Variants in CTTNBP2NL observed in about 807,000 individuals in gnomAD.
The protein encoded by CTTNBP2NL is CTTNBP2 N-terminal like.
CTTNBP2NL carries 16 observed loss-of-function variants against 32.5 expected under a neutral mutation model. The observed-to-expected ratio is 0.49, with a 90% CI of 0.33 to 0.75. CTTNBP2NL has a LOEUF of 0.75. CTTNBP2NL is among the 30% of genes least tolerant of loss of function. The pLI, the probability that CTTNBP2NL is intolerant of heterozygous loss-of-function variation, is 0.02. For synonymous variants in CTTNBP2NL, 298 were observed against 289.4 expected (o/e 1.03, Z -0.30); for missense variants, 645 against 756.0 (o/e 0.85, Z 1.72).
rs1217243380 is a variant in CTTNBP2NL at position 112,460,447 on chromosome 1, C to T, written c.*3035C>T. ...GCTGGAAAAAGCCTTTACAATAATC[C>T]AGTCTGTGATTTTTTAAACCTTTTG... On this transcript the variant is annotated 3_prime_UTR_variant, in exon 6 of 6. Coordinates refer to ENST00000271277, the MANE Select transcript of CTTNBP2NL (RefSeq NM_018704.3). 6.6e-6 allele frequency: 1 copy of T among 151,790 alleles called. No individual in the cohort carries two copies. Among genetic ancestry groups the T allele is most frequent in the African/African-American group, 2.4e-5 (1 of 41,126 alleles). 9.4% of individuals were successfully genotyped at this position (151,790 alleles called of 1,614,324 possible).
chr1:112,420,307 G>A (rs1291027519), intron 3 of CTTNBP2NL, among the ~76,000 whole-genome samples: 2 of 151,898 alleles, frequency 1.3e-5, no homozygotes, highest in African/African-American at 4.8e-5. Context: ...ACCACACCCA[G>A]CTAATTTTTT....
At chr1:112,445,899 A>G (rs971972053) in intron 3 of CTTNBP2NL, among the ~76,000 whole-genome samples, 2 of 152,186 alleles carry the variant, frequency 1.3e-5, no homozygotes, top group Non-Finnish European at 2.9e-5. Context: ...TCTGATGTCA[A>G]GGTCATGAAT....
intron 1 of CTTNBP2NL, among the ~76,000 whole-genome samples, chr1:112,407,285 G>A (rs1648695969): frequency 1.3e-5 from 2 of 152,194 alleles, no homozygotes; most frequent in African/African-American, 4.8e-5. Flanking sequence ...TGTTGTGTGA[G>A]TTTGCTAGGG....
At chr1:112,435,142 C>CAAAAAA (rs5777114) in intron 3 of CTTNBP2NL, among the ~76,000 whole-genome samples, 12 of 85,904 alleles carry the variant, frequency 1.4e-4, no homozygotes, top group East Asian at 3.8e-4. Context: ...GACTCTGTCT[C>CAAAAAA]AAAAAAAAAA....
intron 3 of CTTNBP2NL, among the ~76,000 whole-genome samples, chr1:112,428,398 G>A (rs1649465530): frequency 6.6e-6 from 1 of 152,018 alleles, no homozygotes; most frequent in African/African-American, 2.4e-5. Flanking sequence ...GAGCTAATCA[G>A]ACCTACAGTT....
At chr1:112,423,686 A>C (rs2101008754) in intron 3 of CTTNBP2NL, among the ~76,000 whole-genome samples, 1 of 152,306 alleles carries the variant, frequency 6.6e-6, no homozygotes, top group Non-Finnish European at 1.5e-5. Flanking sequence ...TTTGAAGAGC[A>C]AAAGTTTTTC....
chr1:112,454,442 T>C lies in CTTNBP2NL; in HGVS notation c.331-7T>C. ...TTTGAAAATGAAATTTAAAAAATTC[T>C]TTAAAGGTGATCCTAGACCTTGAGG... is the stretch of plus-strand genomic sequence containing the variant. On this transcript the variant is annotated splice_region_variant and splice_polypyrimidine_tract_variant and intron_variant, in intron 4 of 5. Transcript: ENST00000271277. The C allele has an allele frequency of 6.2e-7, 1 of 1,607,994 alleles. No individual in the cohort carries two copies. Among genetic ancestry groups the C allele is most frequent in the Non-Finnish European group, 8.5e-7 (1 of 1,175,898 alleles).
intron 3 of CTTNBP2NL, among the ~76,000 whole-genome samples, chr1:112,438,749 A>T (rs1473861493): frequency 6.6e-6 from 1 of 152,146 alleles, no homozygotes; most frequent in Non-Finnish European, 1.5e-5. Flanking sequence ...GGTTGGGATT[A>T]CTTGGACCTA....
intron 3 of CTTNBP2NL, among the ~76,000 whole-genome samples, chr1:112,430,578 A>G (rs1269954102): frequency 5.9e-5 from 4 of 67,416 alleles, no homozygotes; most frequent in South Asian, 7.8e-4. Flanking sequence ...TTTGAGACAG[A>G]GTCTGACTCT....
At chr1:112,414,660 A>G (rs906336009) in intron 2 of CTTNBP2NL, 1 of 152,216 alleles carries the variant, frequency 6.6e-6, no homozygotes, top group African/African-American at 2.4e-5. Flanking sequence ...TATTTGTTCT[A>G]CTTTGGAAAT....
intron 4 of CTTNBP2NL, 68 bp downstream of exon 4, chr1:112,449,240 G>T (rs3818729): frequency 0.23 from 208,917 of 891,622 alleles, 27,388 homozygotes; most frequent in East Asian, 0.52. Flanking sequence ...ATACTTTCTT[G>T]TCAGCTGCCA....
intron 1 of CTTNBP2NL, among the ~76,000 whole-genome samples, chr1:112,401,212 A>T (rs981514100): frequency 6.6e-6 from 1 of 152,202 alleles, no homozygotes; most frequent in African/African-American, 2.4e-5. Flanking sequence ...ATTTTTCAAC[A>T]TATGACTAAG....
In CTTNBP2NL at chr1:112,424,325, G is replaced by A. The variant is rs899962277; in HGVS notation, c.99+8061G>A. Among the ~76,000 whole-genome samples, 13 of 151,990 alleles carry A rather than the reference G, an allele frequency of 8.6e-5. No homozygotes were observed. The East Asian group carries it at 1.2e-3, about 14-fold the overall frequency. On this transcript the variant is annotated intron_variant, in intron 3 of 5. Coordinates refer to ENST00000271277, the MANE Select transcript of CTTNBP2NL (RefSeq NM_018704.3). ...AATGGTCTTTGCACCTTTGTCAGTC[G>A]GTTATTCATATATTCATGTGTTTAT... is the stretch of plus-strand genomic sequence containing the variant.
chr1:112,432,905 C>T (rs754161889), intron 3 of CTTNBP2NL, among the ~76,000 whole-genome samples: 11 of 151,968 alleles, frequency 7.2e-5, no homozygotes, highest in Non-Finnish European at 1.3e-4. Flanking sequence ...TGAAATTTTA[C>T]GTTTTGAAGT....
At chr1:112,454,660 T>C in intron 5 of CTTNBP2NL, 104 bp downstream of exon 5, 1 of 855,662 alleles carries the variant, frequency 1.2e-6, no homozygotes, top group East Asian at 2.4e-5. Flanking sequence ...AGGGGCTTTG[T>C]GGTCAAATAA....
At chr1:112,409,028 T>G (rs1648773518) in intron 1 of CTTNBP2NL, among the ~76,000 whole-genome samples, 1 of 149,866 alleles carries the variant, frequency 6.7e-6, no homozygotes, top group Non-Finnish European at 1.5e-5. Flanking sequence ...CTTAGGAGGC[T>G]GAGGCAGGAG....
At position 112,445,458 on chromosome 1, in the gene CTTNBP2NL, G is replaced by GA. The variant is rs565224933; in HGVS notation, c.100-3479dup. On this transcript the variant is annotated intron_variant, in intron 3 of 5. Transcript: ENST00000271277. Reference sequence around the variant, plus strand: ...ACCTGACTGAATCATTAAGTTGATTGAAAAATACCATGTTCTGTCTCCCAT... The same window carrying GA: ...ACCTGACTGAATCATTAAGTTGATTGAAAAAATACCATGTTCTGTCTCCCAT... Among the ~76,000 whole-genome samples the GA allele has an allele frequency of 5.3e-5, 8 of 152,176 alleles. No homozygotes were observed. In the East Asian group the frequency reaches 1.5e-3, roughly 29 times the overall value.
chr1:112,414,467 G>T (rs942088717), intron 2 of CTTNBP2NL, among the ~76,000 whole-genome samples: 21 of 152,204 alleles, frequency 1.4e-4, no homozygotes, highest in Non-Finnish European at 2.9e-5. Flanking sequence ...TAACAACAAA[G>T]TGAAGTATGC....
At chr1:112,402,795 C>T (rs986376723) in intron 1 of CTTNBP2NL, among the ~76,000 whole-genome samples, 1 of 152,120 alleles carries the variant, frequency 6.6e-6, no homozygotes, top group Non-Finnish European at 1.5e-5. Flanking sequence ...GAATAAATTT[C>T]CTTAAAAGGC....
Sources: allele counts gnomAD v4.1 joint callset (sites outside exome capture counted in the v4.1 genomes callset), GRCh38; gene constraint gnomAD v4.1.1; transcripts MANE v1.5; gene names NCBI Gene and HGNC (gene_info 2026-07-23, HGNC 2026-07-21).